Variants in NXPH1 observed in about 807,000 individuals in gnomAD.
NXPH1 encodes neurexophilin-1.
NXPH1 carries 5 observed loss-of-function variants against 23.7 expected under a neutral mutation model. The observed-to-expected ratio is 0.21, with a 90% CI of 0.11 to 0.44. The LOEUF (loss-of-function observed/expected upper bound fraction) is 0.44. NXPH1 is among the 20% of genes least tolerant of loss of function. The pLI, the probability that NXPH1 is intolerant of heterozygous loss-of-function variation, is 0.99. For missense variants in NXPH1, 324 were observed against 321.6 expected (o/e 1.01, Z -0.06); for synonymous variants, 144 against 122.2 (o/e 1.18, Z -1.18).
At position 8,670,476 on chromosome 7, in the gene NXPH1, T is replaced by G. The variant is rs1583223479; in HGVS notation, c.55-80532T>G. Among the ~76,000 whole-genome samples, 6 of 152,376 alleles carry G rather than the reference T, an allele frequency of 3.9e-5. No individual in the cohort carries two copies. In the South Asian group the frequency reaches 1.2e-3, roughly 32 times the overall value. On this transcript the variant is annotated intron_variant, in intron 2 of 2. Transcript: ENST00000405863. ...AACTTACAGATTTAATGGTACTAACTATTGTCTGAATTATCCAAGCAAAGC... is the reference window on the plus strand; with the variant it reads ...AACTTACAGATTTAATGGTACTAACGATTGTCTGAATTATCCAAGCAAAGC...
intron 2 of NXPH1, among the ~76,000 whole-genome samples, chr7:8,525,149 T>G (rs1437766690): frequency 6.6e-6 from 1 of 152,160 alleles, no homozygotes; most frequent in African/African-American, 2.4e-5. Flanking sequence ...TGAGGTGGTC[T>G]CAGATGGAGA....
chr7:8,727,484 G>C (rs979140766), intron 2 of NXPH1, among the ~76,000 whole-genome samples: 4 of 149,276 alleles, frequency 2.7e-5, no homozygotes, highest in Non-Finnish European at 4.4e-5. Context: ...TAACGTTTAA[G>C]TCTTTAATCC....
At chr7:8,510,465 TA>T (rs572997648) in intron 2 of NXPH1, among the ~76,000 whole-genome samples, 75 of 150,254 alleles carry the variant, frequency 5.0e-4, no homozygotes, top group African/African-American at 1.5e-3. Flanking sequence ...AATCTAAGAT[TA>T]AAAAAAAAAT....
intron 2 of NXPH1, among the ~76,000 whole-genome samples, chr7:8,437,001 G>A (rs1372602264): frequency 6.6e-6 from 1 of 152,206 alleles, no homozygotes; most frequent in African/African-American, 2.4e-5. Context: ...GTATTTAACC[G>A]ATTTCAGCTT....
chr7:8,582,072 G>A (rs113323870), intron 2 of NXPH1, among the ~76,000 whole-genome samples: 90 of 152,196 alleles, frequency 5.9e-4, no homozygotes, highest in African/African-American at 1.9e-3. Context: ...GGGCAGCTCC[G>A]GGCACCAGCA....
chr7:8,652,005 C>T (rs899312682), intron 2 of NXPH1, among the ~76,000 whole-genome samples: 1 of 152,106 alleles, frequency 6.6e-6, no homozygotes, highest in South Asian at 2.1e-4. Flanking sequence ...CACCTCCACC[C>T]TATTTTCTGC....
chr7:8,752,739 C>G lies in NXPH1; in HGVS notation c.*970C>G, dbSNP rs960946888. ...TTAATATTAACTTGTACTTGTCTCT[C>G]TGCTTGTTATTGGTTAAGAAAAAAG... is the stretch of plus-strand genomic sequence containing the variant. On this transcript the variant is annotated 3_prime_UTR_variant, in exon 3 of 3. Transcript: ENST00000405863. 1 of 152,238 alleles carries G rather than the reference C, an allele frequency of 6.6e-6. No individual in the cohort carries two copies. Among genetic ancestry groups the G allele is most frequent in the African/African-American group, 2.4e-5 (1 of 41,330 alleles). The allele number at this position is 152,238 out of a possible 1,614,324, so 9.4% of individuals were successfully genotyped here. A position where few individuals can be genotyped will look rare whatever the true frequency, so the allele number is the denominator to read the frequency against.
At chr7:8,749,694 G>T (rs1437185750) in intron 2 of NXPH1, among the ~76,000 whole-genome samples, 2 of 152,188 alleles carry the variant, frequency 1.3e-5, no homozygotes, top group Admixed American at 6.5e-5. Context: ...TTCTCCAGGG[G>T]CATGGCAATA....
chr7:8,655,683 A>T (rs1820570524), intron 2 of NXPH1, among the ~76,000 whole-genome samples: 1 of 152,102 alleles, frequency 6.6e-6, no homozygotes, highest in Non-Finnish European at 1.5e-5. Context: ...CCTTGTATGG[A>T]AATATCTATG....
chr7:8,497,126 C>A (rs184546076), intron 2 of NXPH1, among the ~76,000 whole-genome samples: 139 of 152,194 alleles, frequency 9.1e-4, no homozygotes, highest in African/African-American at 3.2e-3. Context: ...GTTTTCTGTC[C>A]TTGCGATAGT....
intron 2 of NXPH1, among the ~76,000 whole-genome samples, chr7:8,684,611 G>A (rs1821117316): frequency 6.6e-6 from 1 of 152,128 alleles, no homozygotes; most frequent in African/African-American, 2.4e-5. Context: ...TTACAGAACA[G>A]TAACTGCAAG....
At chr7:8,479,653 C>T (rs1197691994) in intron 2 of NXPH1, among the ~76,000 whole-genome samples, 2 of 152,024 alleles carry the variant, frequency 1.3e-5, no homozygotes, top group African/African-American at 4.8e-5. Context: ...ATGACTAATT[C>T]CAGGTCTGGG....
intron 2 of NXPH1, among the ~76,000 whole-genome samples, chr7:8,644,382 G>C (rs193205967): frequency 6.4e-4 from 97 of 152,222 alleles, no homozygotes; most frequent in African/African-American, 2.2e-3. Flanking sequence ...GAGTTCCTTT[G>C]GGAAGAAAGG....
intron 2 of NXPH1, among the ~76,000 whole-genome samples, chr7:8,497,010 C>T (rs1245089920): frequency 1.3e-5 from 2 of 151,938 alleles, no homozygotes. Context: ...TAATGCTATC[C>T]CTCCCCTTAC....
At chr7:8,483,741 C>T (rs954114207) in intron 2 of NXPH1, among the ~76,000 whole-genome samples, 1 of 152,172 alleles carries the variant, frequency 6.6e-6, no homozygotes, top group African/African-American at 2.4e-5. Context: ...CCCAGAAGTA[C>T]TCTTGTAGCA....
chr7:8,478,495 G>A (rs1817014213), intron 2 of NXPH1, among the ~76,000 whole-genome samples: 1 of 151,914 alleles, frequency 6.6e-6, no homozygotes, highest in Admixed American at 6.6e-5. Flanking sequence ...AGATCAAAAA[G>A]AAATGAAGAA....
At chr7:8,610,908 G>A (rs1054464778) in intron 2 of NXPH1, among the ~76,000 whole-genome samples, 1 of 151,984 alleles carries the variant, frequency 6.6e-6, no homozygotes, top group East Asian at 1.9e-4. Flanking sequence ...AGGTGGGCAT[G>A]GAACAAGTGT....
chr7:8,730,147 A>C (rs1013077961), intron 2 of NXPH1, among the ~76,000 whole-genome samples: 1 of 149,210 alleles, frequency 6.7e-6, no homozygotes, highest in African/African-American at 2.5e-5. Flanking sequence ...GTTTTATCAG[A>C]GACTAGGATT....
chr7:8,452,466 A>G (rs556247562), intron 2 of NXPH1, among the ~76,000 whole-genome samples: 21 of 152,248 alleles, frequency 1.4e-4, no homozygotes, highest in African/African-American at 4.6e-4. Flanking sequence ...TTGATAGGCT[A>G]GAATCTCATT....
Sources: allele counts gnomAD v4.1 joint callset (sites outside exome capture counted in the v4.1 genomes callset), GRCh38; gene constraint gnomAD v4.1.1; transcripts MANE v1.5; gene names NCBI Gene and HGNC (gene_info 2026-07-23, HGNC 2026-07-21).